The following ADRA2C variants were observed in gnomAD, a reference collection of about 807,000 sequenced individuals.
ADRA2C encodes the protein alpha-2C adrenergic receptor.
ADRA2C carries 4 observed loss-of-function variants against 7.9 expected under a neutral mutation model. That is an observed-to-expected ratio of 0.51 (90% CI 0.25 to 1.16). The LOEUF (loss-of-function observed/expected upper bound fraction) is 1.16, where lower values mean the gene tolerates loss of function less well. Among genes scored for constraint, ADRA2C ranks in the 50% most tolerant of loss-of-function variants. The pLI is 0.15. For synonymous variants in ADRA2C, 368 were observed against 328.9 expected (o/e 1.12, Z -1.29); for missense variants, 589 against 677.7 (o/e 0.87, Z 1.45).
rs1253422228 is a variant in ADRA2C at position 3,767,697 on chromosome 4, G to A, written c.1091G>A (p.Arg364His). ...EFFLSRRRRA[R>H]SSVCRRKVAQ... is the part of the protein sequence containing the mutation. ...TTCCTGTCGCGCCGGCGCCGGGCGC[G>A]CAGCAGCGTGTGCCGCCGCAAGGTG... Residue 364 changes from arginine to histidine, a missense_variant, in exon 1 of 1, where the codon CGC (arginine) becomes CAC (histidine). Transcript: ENST00000330055. 1.9e-6 allele frequency: 3 copies of A among 1,604,236 alleles called. No homozygotes were observed. The highest frequency in any genetic ancestry group is 1.7e-5 in the Admixed American group (1 of 59,082).
rs1249386754 is a variant in ADRA2C, at chr4:3,766,963, C to A, written c.357C>A (p.Phe119Leu). Residue 119 changes from phenylalanine (F) to leucine (L), a missense_variant, in exon 1 of 1, where the codon TTC (phenylalanine) becomes TTA (leucine). Phe to Leu is a conservative substitution (Grantham distance 22, BLOSUM62 0). Transcript: ENST00000330055. This position sits in a 1 kb window ranked among gnomAD's most constrained non-coding sequence, Gnocchi z 4.5. The stretch of plus-strand genomic sequence containing the variant: ...ACGAGCTCATGGCCTACTGGTACTT[C>A]GGGCAGGTGTGGTGCGGCGTGTACC... Reference protein sequence around the residue: ...LANELMAYWYFGQVWCGVYLA... With the variant: ...LANELMAYWYLGQVWCGVYLA... 4 of 1,611,010 alleles carry A rather than the reference C, an allele frequency of 2.5e-6. No homozygotes were observed. The highest frequency in any genetic ancestry group is 2.5e-6 in the Non-Finnish European group (3 of 1,179,918).
In ADRA2C at chr4:3,768,145, G is replaced by A. The variant is rs985425204; in HGVS notation, c.*150G>A. ...CGGCAGGGCAGGAGCTTGGCAGAGA[G>A]ATAGCCGGGCTCCAGGGAGTGGGGA... On this transcript the variant is annotated 3_prime_UTR_variant, in exon 1 of 1. Coordinates refer to ENST00000330055, the MANE Select transcript of ADRA2C (RefSeq NM_000683.4). 6 of 777,766 alleles carry A rather than the reference G, an allele frequency of 7.7e-6. No homozygotes were observed. The highest frequency in any genetic ancestry group is 2.7e-5 in the East Asian group (1 of 37,502). 48.2% of individuals were successfully genotyped at this position (777,766 alleles called of 1,614,324 possible).
rs1396661801 is a variant in ADRA2C at position 3,766,665 on chromosome 4, C to T, written c.59C>T (p.Ala20Val). The T allele has an allele frequency of 2.6e-5, 34 of 1,299,784 alleles. No individual in the cohort carries two copies. The highest frequency in any genetic ancestry group is 3.3e-5 in the Non-Finnish European group (34 of 1,030,588). The allele number at this position is 1,299,784 out of a possible 1,614,324, so 80.5% of individuals were successfully genotyped here. The change falls in exon 1 of 1, where the codon GCG becomes GTG. Residue 20 changes from alanine to valine, a missense_variant. Transcript: ENST00000330055. This position sits in a 1 kb window ranked among gnomAD's most constrained non-coding sequence, Gnocchi z 4.5. ...LAVAAAAGPN[A>V]SGAGERGSGG... Reference sequence around the variant, plus strand: ...GTGGCGGCAGCGGCGGGCCCCAATGCGAGCGGCGCGGGCGAGAGGGGCAGC... The same window carrying T: ...GTGGCGGCAGCGGCGGGCCCCAATGTGAGCGGCGCGGGCGAGAGGGGCAGC...
Position 3,766,792 on chromosome 4 carries a change from C to A in ADRA2C, c.186C>A (p.Ile62=), listed in dbSNP as rs371720823. ...TGGCTGCCGTGGTGGGCTTCCTCAT[C>A]GTCTTCACCGTGGTGGGCAACGTGC... is the stretch of plus-strand genomic sequence containing the variant. ...AGLAAVVGFL[I]VFTVVGNVLV... The change falls in exon 1 of 1, where the codon ATC becomes ATA. Residue 62 remains isoleucine, a synonymous_variant. Coordinates refer to ENST00000330055, the MANE Select transcript of ADRA2C (RefSeq NM_000683.4). This position sits in a 1 kb window ranked among gnomAD's most constrained non-coding sequence, Gnocchi z 4.5. 4 of 1,562,772 alleles carry A rather than the reference C, an allele frequency of 2.6e-6. No individual in the cohort carries two copies. The highest frequency in any genetic ancestry group is 1.4e-5 in the African/African-American group (1 of 73,642).
chr4:3,767,676 T>A lies in ADRA2C; in HGVS notation c.1070T>A (p.Leu357Gln), dbSNP rs760562201. The change falls in exon 1 of 1, where the codon CTG becomes CAG. Residue 357 changes from leucine to glutamine, a missense_variant. Leu to Gln is a moderately radical substitution (Grantham distance 113). Coordinates refer to ENST00000330055, the MANE Select transcript of ADRA2C (RefSeq NM_000683.4). ...AGCTCGCGCTCCGTCGAGTTCTTCC[T>A]GTCGCGCCGGCGCCGGGCGCGCAGC... ...RASSRSVEFFLSRRRRARSSV... is the reference protein window; with the variant it reads ...RASSRSVEFFQSRRRRARSSV... 1.9e-6 allele frequency: 3 copies of A among 1,578,150 alleles called. No homozygotes were observed. Among genetic ancestry groups the A allele is most frequent in the Non-Finnish European group, 2.6e-6 (3 of 1,164,582 alleles).
In ADRA2C at chr4:3,768,084, G is replaced by GGGGAGCTTTCCCAGAGACCC. The variant is rs1372576951; in HGVS notation, c.*93_*94insGCTTTCCCAGAGACCCGGGA. The GGGGAGCTTTCCCAGAGACCC allele has an allele frequency of 3.4e-6, 4 of 1,167,052 alleles. No individual in the cohort carries two copies. The highest frequency in any genetic ancestry group is 4.9e-6 in the Non-Finnish European group (4 of 814,414). 72.3% of individuals were successfully genotyped at this position (1,167,052 alleles called of 1,614,324 possible). A position where few individuals can be genotyped will look rare whatever the true frequency, so the allele number is the denominator to read the frequency against. On this transcript the variant is annotated 3_prime_UTR_variant, in exon 1 of 1. Transcript: ENST00000330055. ...GACGGGGGAGCTTTCCCAGAGACCC[G>GGGGAGCTTTCCCAGAGACCC]GGGATGGATTGGCCTCCAGGGCGCA...
chr4:3,767,608 C>A lies in ADRA2C; in HGVS notation c.1002C>A (p.Thr334=). ...GPGAAESGAL[T]ASRSPGPGGR... ...GGGCGGCTGAGTCGGGGGCGCTGAC[C>A]GCCTCCAGGTCCCCGGGGCCCGGTG... The change falls in exon 1 of 1, where the codon ACC becomes ACA. Residue 334 remains threonine (T), a synonymous_variant. Coordinates refer to ENST00000330055, the MANE Select transcript of ADRA2C (RefSeq NM_000683.4). 7.6e-7 allele frequency: 1 copy of A among 1,315,012 alleles called. No individual in the cohort carries two copies. The highest frequency in any genetic ancestry group is 9.6e-7 in the Non-Finnish European group (1 of 1,039,420). 81.5% of individuals were successfully genotyped at this position (1,315,012 alleles called of 1,614,324 possible).
At position 3,767,129 on chromosome 4, in the gene ADRA2C, G is replaced by C; in HGVS notation, c.523G>C (p.Val175Leu). Residue 175 changes from valine to leucine, a missense_variant, in exon 1 of 1, where the codon GTG (valine) becomes CTG (leucine). Coordinates refer to ENST00000330055, the MANE Select transcript of ADRA2C (RefSeq NM_000683.4). ...PRRVKATIVA[V>L]WLISAVISFP... Reference sequence around the variant, plus strand: ...CCGCGTCAAGGCCACCATCGTGGCCGTGTGGCTCATCTCGGCCGTCATCTC... The same window carrying C: ...CCGCGTCAAGGCCACCATCGTGGCCCTGTGGCTCATCTCGGCCGTCATCTC... 2 of 1,608,794 alleles carry C rather than the reference G, an allele frequency of 1.2e-6. No individual in the cohort carries two copies. The highest frequency in any genetic ancestry group is 1.7e-6 in the Non-Finnish European group (2 of 1,179,800).
chr4:3,767,322 TGCGCAC>T lies in ADRA2C; in HGVS notation c.725_730del (p.Arg242_Thr243del). On this transcript the variant is annotated inframe_deletion, in exon 1 of 1. Coordinates refer to ENST00000330055, the MANE Select transcript of ADRA2C (RefSeq NM_000683.4). ...GCGCGCATCTACCGAGTGGCCAAGC[TGCGCAC>T]GCGCACGCTCAGCGAGAAGCGCGCC... The T allele has an allele frequency of 6.3e-7, 1 of 1,579,300 alleles. No homozygotes were observed. Among genetic ancestry groups the T allele is most frequent in the Non-Finnish European group, 8.6e-7 (1 of 1,164,752 alleles).
At position 3,767,658 on chromosome 4, in the gene ADRA2C, G is replaced by C; in HGVS notation, c.1052G>C (p.Arg351Pro). 6.7e-7 allele frequency: 1 copy of C among 1,490,106 alleles called. No individual in the cohort carries two copies. Among genetic ancestry groups the C allele is most frequent in the Non-Finnish European group, 8.9e-7 (1 of 1,125,560 alleles). The allele number at this position is 1,490,106 out of a possible 1,614,324, so 92.3% of individuals were successfully genotyped here. The stretch of plus-strand genomic sequence containing the variant: ...GGCCGCCTGTCGCGCGCCAGCTCGC[G>C]CTCCGTCGAGTTCTTCCTGTCGCGC... ...PGGRLSRASSRSVEFFLSRRR... is the reference protein window; with the variant it reads ...PGGRLSRASSPSVEFFLSRRR... Residue 351 changes from arginine to proline, a missense_variant, in exon 1 of 1, where the codon CGC becomes CCC. Arg to Pro is a moderately radical substitution (Grantham distance 103). Coordinates refer to ENST00000330055, the MANE Select transcript of ADRA2C (RefSeq NM_000683.4).
Position 3,768,062 on chromosome 4 carries a change from G to GGGGGAGCTTTCCAAGAGACCC in ADRA2C, c.*79_*80insAAGAGACCCGGGGAGCTTTCC. On this transcript the variant is annotated 3_prime_UTR_variant, in exon 1 of 1. Transcript: ENST00000330055. ...GCTGGGCAGAAGGGGCGGCCCGGACGGGGGAGCTTTCCCAGAGACCCGGGG... is the reference window on the plus strand; with the variant it reads ...GCTGGGCAGAAGGGGCGGCCCGGACGGGGGAGCTTTCCAAGAGACCCGGGGAGCTTTCCCAGAGACCCGGGG... 8.6e-7 allele frequency: 1 copy of GGGGGAGCTTTCCAAGAGACCC among 1,157,758 alleles called. No homozygotes were observed. The highest frequency in any genetic ancestry group is 1.9e-5 in the South Asian group (1 of 52,200). The allele number at this position is 1,157,758 out of a possible 1,614,324, so 71.7% of individuals were successfully genotyped here.
In ADRA2C at chr4:3,767,038, C is replaced by T; in HGVS notation, c.432C>T (p.Ala144=). ...CCTCGTCGATCGTGCATCTGTGTGC[C>T]ATCAGCCTGGACCGCTACTGGTCGG... ...FCTSSIVHLC[A]ISLDRYWSVT... The change falls in exon 1 of 1, where the codon GCC becomes GCT. Residue 144 remains alanine, a synonymous_variant. Coordinates refer to ENST00000330055, the MANE Select transcript of ADRA2C (RefSeq NM_000683.4). 6.2e-7 allele frequency: 1 copy of T among 1,611,456 alleles called. No individual in the cohort carries two copies. The highest frequency in any genetic ancestry group is 8.5e-7 in the Non-Finnish European group (1 of 1,179,896).
chr4:3,766,620 C>A lies in ADRA2C; in HGVS notation c.14C>A (p.Ala5Glu). 8.4e-7 allele frequency: 1 copy of A among 1,195,814 alleles called. No homozygotes were observed. Among genetic ancestry groups the A allele is most frequent in the Non-Finnish European group, 1.0e-6 (1 of 966,580 alleles). The allele number at this position is 1,195,814 out of a possible 1,614,324, so 74.1% of individuals were successfully genotyped here. A position where few individuals can be genotyped will look rare whatever the true frequency, so the allele number is the denominator to read the frequency against. The change falls in exon 1 of 1, where the codon GCG becomes GAG. Residue 5 changes from alanine to glutamate, a missense_variant. Coordinates refer to ENST00000330055, the MANE Select transcript of ADRA2C (RefSeq NM_000683.4). The surrounding 1 kb of genome is among the most constrained non-coding windows in gnomAD (Gnocchi z 4.5). Reference sequence around the variant, plus strand: ...CGCGGGAGGACCATGGCGTCCCCGGCGCTGGCGGCGGCGCTGGCGGTGGCG... The same window carrying A: ...CGCGGGAGGACCATGGCGTCCCCGGAGCTGGCGGCGGCGCTGGCGGTGGCG... Reference protein sequence around the residue: MASPALAAALAVAAA... With the variant: MASPELAAALAVAAA...
At position 3,768,048 on chromosome 4, in the gene ADRA2C, G is replaced by A; in HGVS notation, c.*53G>A. 8.0e-6 allele frequency: 3 copies of A among 372,702 alleles called. No homozygotes were observed. The highest frequency in any genetic ancestry group is 3.3e-5 in the South Asian group (1 of 30,530). 23.1% of individuals were successfully genotyped at this position (372,702 alleles called of 1,614,324 possible). A position where few individuals can be genotyped will look rare whatever the true frequency, so the allele number is the denominator to read the frequency against. On this transcript the variant is annotated 3_prime_UTR_variant, in exon 1 of 1. Coordinates refer to ENST00000330055, the MANE Select transcript of ADRA2C (RefSeq NM_000683.4). ...GCTCCGCGCTCGGGGCTGGGCAGAA[G>A]GGGCGGCCCGGACGGGGGAGCTTTC...
Position 3,766,741 on chromosome 4 carries a change from G to A in ADRA2C, c.135G>A (p.Gln45=), listed in dbSNP as rs1292243922. 1.3e-5 allele frequency: 20 copies of A among 1,513,230 alleles called. No homozygotes were observed. The highest frequency in any genetic ancestry group is 1.1e-4 in the South Asian group (8 of 76,110). The allele number at this position is 1,513,230 out of a possible 1,614,324, so 93.7% of individuals were successfully genotyped here. A position where few individuals can be genotyped will look rare whatever the true frequency, so the allele number is the denominator to read the frequency against. ...SGASWGPPRG[Q]YSAGAVAGLA... ...CTTCCTGGGGGCCGCCGCGCGGCCA[G>A]TACTCGGCGGGCGCGGTGGCAGGGC... Residue 45 remains glutamine (Q), a synonymous_variant, in exon 1 of 1, where the codon CAG becomes CAA. Coordinates refer to ENST00000330055, the MANE Select transcript of ADRA2C (RefSeq NM_000683.4). This position sits in a 1 kb window ranked among gnomAD's most constrained non-coding sequence, Gnocchi z 4.5.
In ADRA2C at chr4:3,767,450, G is replaced by A; in HGVS notation, c.844G>A (p.Asp282Asn). 6.7e-7 allele frequency: 1 copy of A among 1,493,898 alleles called. No individual in the cohort carries two copies. The highest frequency in any genetic ancestry group is 8.8e-7 in the Non-Finnish European group (1 of 1,132,246). The allele number at this position is 1,493,898 out of a possible 1,614,324, so 92.5% of individuals were successfully genotyped here. Residue 282 changes from aspartate to asparagine, a missense_variant, in exon 1 of 1, where the codon GAC becomes AAC. By Grantham distance (23) the Asp-to-Asn change is conservative. Coordinates refer to ENST00000330055, the MANE Select transcript of ADRA2C (RefSeq NM_000683.4). ...ENGHCAPPPA[D>N]VEPDESSAAA... The stretch of plus-strand genomic sequence containing the variant: ...CGGGCACTGCGCGCCCCCGCCCGCC[G>A]ACGTGGAGCCGGACGAGAGCAGCGC...
In ADRA2C at chr4:3,768,338, C is replaced by T; in HGVS notation, c.*343C>T. On this transcript the variant is annotated 3_prime_UTR_variant, in exon 1 of 1. Coordinates refer to ENST00000330055, the MANE Select transcript of ADRA2C (RefSeq NM_000683.4). ...CTAAATGGGCAAGCAAGGAGCCCCC[C>T]AAAGACACTACCACTCCCCATCCCC... The T allele has an allele frequency of 1.4e-6, 1 of 715,390 alleles. No homozygotes were observed. Among genetic ancestry groups the T allele is most frequent in the Admixed American group, 2.0e-5 (1 of 49,812 alleles). The allele number at this position is 715,390 out of a possible 1,614,324, so 44.3% of individuals were successfully genotyped here.
In ADRA2C at chr4:3,768,354, C is replaced by A; in HGVS notation, c.*359C>A. ...GGAGCCCCCCAAAGACACTACCACT[C>A]CCCATCCCCGTCTGACCAAGGGCTG... On this transcript the variant is annotated 3_prime_UTR_variant, in exon 1 of 1. Transcript: ENST00000330055. The A allele has an allele frequency of 1.4e-6, 1 of 709,248 alleles. No individual in the cohort carries two copies. Among genetic ancestry groups the A allele is most frequent in the Non-Finnish European group, 2.6e-6 (1 of 380,760 alleles). 43.9% of individuals were successfully genotyped at this position (709,248 alleles called of 1,614,324 possible).
At position 3,766,510 on chromosome 4, in the gene ADRA2C, A is replaced by C. The variant is rs1735429094; in HGVS notation, c.-97A>C. On this transcript the variant is annotated 5_prime_UTR_variant, in exon 1 of 1. Coordinates refer to ENST00000330055, the MANE Select transcript of ADRA2C (RefSeq NM_000683.4). This position sits in a 1 kb window ranked among gnomAD's most constrained non-coding sequence, Gnocchi z 4.5. Reference sequence around the variant, plus strand: ...TCCCCGGCGGGCGCGCCCGAGCAGCAGGCGGCGATGCGGGCGCCGACCCCG... The same window carrying C: ...TCCCCGGCGGGCGCGCCCGAGCAGCCGGCGGCGATGCGGGCGCCGACCCCG... 1 of 870,262 alleles carries C rather than the reference A, an allele frequency of 1.1e-6. No individual in the cohort carries two copies. Among genetic ancestry groups the C allele is most frequent in the African/African-American group, 1.8e-5 (1 of 54,264 alleles). The allele number at this position is 870,262 out of a possible 1,614,324, so 53.9% of individuals were successfully genotyped here. A position where few individuals can be genotyped will look rare whatever the true frequency, so the allele number is the denominator to read the frequency against.
Sources: allele counts gnomAD v4.1 joint callset, GRCh38; gene constraint gnomAD v4.1.1; non-coding constraint Gnocchi (gnomAD v3.1); transcripts MANE v1.5; gene names NCBI Gene and HGNC (gene_info 2026-07-23, HGNC 2026-07-21).